KCNH1: variants seen among roughly 807,000 people sequenced by gnomAD.
KCNH1 encodes the protein voltage-gated delayed rectifier potassium channel KCNH1.
KCNH1 carries 27 observed loss-of-function variants against 69.2 expected under a neutral mutation model. The ratio of observed to expected loss-of-function variants is 0.39; its 90% confidence interval spans 0.29 to 0.54. The LOEUF (loss-of-function observed/expected upper bound fraction) is 0.54. KCNH1 is among the 20% of genes least tolerant of loss of function. The probability of loss-of-function intolerance (pLI) is 0.68; values close to 1 mark genes in which losing one functional copy is unlikely to be tolerated. For synonymous variants in KCNH1, 456 were observed against 487.7 expected, an observed-to-expected ratio of 0.93 and a Z score of 0.86; for missense variants, 798 against 1,261.6, an observed-to-expected ratio of 0.63 and a Z score of 5.57.
At chr1:210,870,468 C>A (rs936568677) in intron 7 of KCNH1, among the ~76,000 whole-genome samples, 2 of 152,200 alleles carry the variant, frequency 1.3e-5, no homozygotes, top group African/African-American at 2.4e-5. Context: ...TTCTTAGCCT[C>A]TTTTTTCCCC....
chr1:211,033,915 C>CAA (rs200651581), intron 5 of KCNH1, among the ~76,000 whole-genome samples: 2 of 144,548 alleles, frequency 1.4e-5, no homozygotes, highest in Non-Finnish European at 3.1e-5. Flanking sequence ...AAAGTATAAT[C>CAA]AAAAAAAAAA....
At position 210,836,640 on chromosome 1, in the gene KCNH1, C is replaced by T. The variant is rs74548049; in HGVS notation, c.1463-32474G>A. On this transcript the variant is annotated intron_variant, in intron 7 of 10. Transcript: ENST00000271751. ...AACCATGTATAAGTCACAGCACTTC[C>T]GCAGTGAATACCAAGATAAAAAATA... Among the ~76,000 whole-genome samples, 466 of 152,258 alleles carry T rather than the reference C, an allele frequency of 3.1e-3. 6 individuals are homozygous for T. Among genetic ancestry groups the T allele is most frequent in the African/African-American group, 0.011 (446 of 41,544 alleles).
intron 4 of KCNH1, among the ~76,000 whole-genome samples, 163 bp from the exon 5 acceptor site, chr1:211,083,061 A>G (rs1690886445): frequency 6.6e-6 from 1 of 152,230 alleles, no homozygotes; most frequent in Non-Finnish European, 1.5e-5. Context: ...TGCTCCGTAA[A>G]GCACCTTGTG....
intron 7 of KCNH1, among the ~76,000 whole-genome samples, chr1:210,817,942 C>T (rs1160899186): frequency 2.0e-5 from 3 of 152,118 alleles, no homozygotes; most frequent in Non-Finnish European, 4.4e-5. Context: ...TGGCCTCTAT[C>T]TACTAGATGC....
chr1:210,951,177 CTGT>C (rs2102346090), intron 6 of KCNH1, among the ~76,000 whole-genome samples: 1 of 152,332 alleles, frequency 6.6e-6, no homozygotes, highest in Admixed American at 6.5e-5. Flanking sequence ...TGGACATGCT[CTGT>C]CCACAGGGCT....
intron 10 of KCNH1, among the ~76,000 whole-genome samples, chr1:210,758,543 C>T (rs1683446623): frequency 6.6e-6 from 1 of 152,184 alleles, no homozygotes; most frequent in African/African-American, 2.4e-5. Context: ...ACCCCCTCCC[C>T]TGGAGATCTA....
intron 7 of KCNH1, among the ~76,000 whole-genome samples, chr1:210,843,883 C>T (rs1178082762): frequency 6.6e-6 from 1 of 152,170 alleles, no homozygotes; most frequent in African/African-American, 2.4e-5. Context: ...AAACAGTCAG[C>T]TGCCTTGTCC....
chr1:210,883,323 C>T (rs1686536056), intron 7 of KCNH1, among the ~76,000 whole-genome samples: 1 of 152,172 alleles, frequency 6.6e-6, no homozygotes, highest in South Asian at 2.1e-4. Flanking sequence ...TGAGGCTAAC[C>T]TAGTCTCCCT....
rs537681665 is a variant in KCNH1, at chr1:210,975,203, T to G, written c.1032+43580A>C. Among the ~76,000 whole-genome samples, 17 of 152,316 alleles carry G rather than the reference T, an allele frequency of 1.1e-4. No individual in the cohort carries two copies. In the South Asian group the frequency reaches 3.3e-3, roughly 30 times the overall value. ...AGAAATGTCTTTATTTTGCTGTCATTTATGAAGAATAGTTTTGATATATTA... is the reference window on the plus strand; with the variant it reads ...AGAAATGTCTTTATTTTGCTGTCATGTATGAAGAATAGTTTTGATATATTA... On this transcript the variant is annotated intron_variant, in intron 6 of 10. Coordinates refer to ENST00000271751, the MANE Select transcript of KCNH1 (RefSeq NM_172362.3).
intron 7 of KCNH1, among the ~76,000 whole-genome samples, chr1:210,881,802 T>C (rs754462239): frequency 5.9e-5 from 9 of 152,224 alleles, no homozygotes; most frequent in Non-Finnish European, 1.3e-4. Context: ...TACTGTATGA[T>C]TCTAACCATA....
intron 6 of KCNH1, among the ~76,000 whole-genome samples, chr1:210,980,980 A>G (rs1424271886): frequency 6.6e-6 from 1 of 152,224 alleles, no homozygotes; most frequent in Non-Finnish European, 1.5e-5. Flanking sequence ...TGACAGCTTT[A>G]AAAACTTTCA....
chr1:210,900,850 C>T (rs1686980162), intron 7 of KCNH1, among the ~76,000 whole-genome samples: 1 of 152,138 alleles, frequency 6.6e-6, no homozygotes, highest in Admixed American at 6.5e-5. Context: ...TCCTTCTCCT[C>T]AACCTAGCCA....
intron 4 of KCNH1, among the ~76,000 whole-genome samples, chr1:211,085,641 AG>A (rs373966313): frequency 1.2e-3 from 181 of 152,266 alleles, no homozygotes; most frequent in African/African-American, 4.0e-3. Flanking sequence ...ACACAGGAAA[AG>A]AAGAAGCAAC....
At chr1:211,033,911 T>C in intron 5 of KCNH1, among the ~76,000 whole-genome samples, 1 of 146,652 alleles carries the variant, frequency 6.8e-6, no homozygotes, top group African/African-American at 2.5e-5. Context: ...ACTTAAAGTA[T>C]AATCAAAAAA....
intron 7 of KCNH1, among the ~76,000 whole-genome samples, chr1:210,901,960 G>C (rs1460424270): frequency 6.6e-6 from 1 of 152,132 alleles, no homozygotes; most frequent in African/African-American, 2.4e-5. Context: ...CTTCTGCACA[G>C]CTTCATTCCT....
At chr1:210,840,526 G>A (rs1410481814) in intron 7 of KCNH1, among the ~76,000 whole-genome samples, 1 of 152,194 alleles carries the variant, frequency 6.6e-6, no homozygotes, top group Non-Finnish European at 1.5e-5. Context: ...TGTGTGAACA[G>A]TGTCAAGCCT....
Position 211,002,398 on chromosome 1 carries a change from T to G in KCNH1, c.1032+16385A>C, listed in dbSNP as rs1002626685. 4.0e-5 allele frequency among the ~76,000 whole-genome samples: 6 copies of G among 150,172 alleles called. No individual in the cohort carries two copies. The East Asian group carries it at 5.9e-4, about 15-fold the overall frequency. Reference sequence around the variant, plus strand: ...TACACCATCCTAGGGCCCAAAACATTTTTTTGAAATTTCATGTAGAATGTC... The same window carrying G: ...TACACCATCCTAGGGCCCAAAACATGTTTTTGAAATTTCATGTAGAATGTC... On this transcript the variant is annotated intron_variant, in intron 6 of 10. Transcript: ENST00000271751.
intron 7 of KCNH1, among the ~76,000 whole-genome samples, chr1:210,804,790 C>G (rs376020997): frequency 2.0e-5 from 3 of 152,316 alleles, no homozygotes; most frequent in East Asian, 3.9e-4. Flanking sequence ...ATGTTATATC[C>G]TTGTTTTGCA....
At chr1:210,910,723 C>T (rs754456240) in intron 7 of KCNH1, among the ~76,000 whole-genome samples, 3 of 152,228 alleles carry the variant, frequency 2.0e-5, no homozygotes, top group East Asian at 1.9e-4. Context: ...AAGATAATAA[C>T]ACCTGTGACA....
Sources: gnomAD v4.1 joint callset for allele counts (sites outside exome capture counted in the v4.1 genomes callset) on GRCh38, gnomAD v4.1.1 for gene constraint, MANE v1.5 for transcripts, NCBI Gene and HGNC (gene_info 2026-07-23, HGNC 2026-07-21) for gene names.